Variants in SCRG1 observed in about 807,000 individuals in gnomAD.
SCRG1 encodes the protein scrapie-responsive protein 1.
In SCRG1, 3 loss-of-function variants were observed where a neutral mutation model predicts 7.7. That is an observed-to-expected ratio of 0.39 (90% CI 0.18 to 1.01). The LOEUF (loss-of-function observed/expected upper bound fraction) is 1.01, where lower values mean the gene tolerates loss of function less well. SCRG1 is among the 50% of genes least tolerant of loss of function. SCRG1 has a pLI of 0.36. For synonymous variants in SCRG1, 46 were observed against 41.2 expected (o/e 1.12, Z -0.44); for missense variants, 110 against 117.2 (o/e 0.94, Z 0.28).
chr4:173,484,823 T>C, the SCRG1 span, among the ~76,000 whole-genome samples: 19 of 86,682 alleles, frequency 2.2e-4, no homozygotes, highest in Non-Finnish European at 3.0e-4. Flanking sequence ...ACATATAATA[T>C]ATATTATATG....
the SCRG1 span, among the ~76,000 whole-genome samples, chr4:173,432,319 C>T: frequency 7.8e-6 from 1 of 128,418 alleles, no homozygotes; most frequent in East Asian, 2.3e-4. Flanking sequence ...CCCTCCTTCC[C>T]TTCCTTCCTT....
chr4:173,403,057 C>G (rs908344630), upstream of SCRG1: 1 of 152,194 alleles, frequency 6.6e-6, no homozygotes, highest in Non-Finnish European at 1.5e-5. Flanking sequence ...AAGATATCCA[C>G]TGAACCTTGG....
chr4:173,516,487 G>C, the SCRG1 span, among the ~76,000 whole-genome samples: 2 of 152,204 alleles, frequency 1.3e-5, no homozygotes, highest in South Asian at 4.1e-4. Flanking sequence ...TAGGTAATGC[G>C]TATTAAAAGG....
At chr4:173,392,329 GA>G in intron 1 of SCRG1, among the ~76,000 whole-genome samples, 1 of 152,344 alleles carries the variant, frequency 6.6e-6, no homozygotes, top group South Asian at 2.1e-4. Context: ...AGCTGCAGTT[GA>G]AAATGAAGGC....
the SCRG1 span, among the ~76,000 whole-genome samples, chr4:173,428,143 C>T: frequency 2.0e-5 from 3 of 152,002 alleles, no homozygotes; most frequent in Admixed American, 1.3e-4. Context: ...AGAATGTGTC[C>T]GGATTGACTG....
chr4:173,396,545 C>T (rs979939393), intron 1 of SCRG1, among the ~76,000 whole-genome samples: 23 of 152,162 alleles, frequency 1.5e-4, no homozygotes, highest in African/African-American at 5.6e-4. Context: ...GAAAAAATTT[C>T]CTTCAGTGAA....
chr4:173,462,784 AAAC>A, the SCRG1 span, among the ~76,000 whole-genome samples: 1 of 152,234 alleles, frequency 6.6e-6, no homozygotes, highest in Non-Finnish European at 1.5e-5. Context: ...ATATAAATAG[AAAC>A]AACAAAAAGT....
the SCRG1 span, among the ~76,000 whole-genome samples, chr4:173,517,950 G>A: frequency 6.6e-6 from 1 of 152,248 alleles, no homozygotes; most frequent in African/African-American, 2.4e-5. Context: ...TAGCTTCGGA[G>A]GTATTTTTAG....
At chr4:173,425,428 C>A in the SCRG1 span, among the ~76,000 whole-genome samples, 1 of 152,232 alleles carries the variant, frequency 6.6e-6, no homozygotes, top group Non-Finnish European at 1.5e-5. Context: ...TGGTAGCTGG[C>A]TTTCCAGTAG....
At chr4:173,454,639 T>C in the SCRG1 span, among the ~76,000 whole-genome samples, 1 of 152,210 alleles carries the variant, frequency 6.6e-6, no homozygotes. Flanking sequence ...GTCATCCACA[T>C]GTGTTTAGAG....
the SCRG1 span, among the ~76,000 whole-genome samples, chr4:173,424,309 A>T: frequency 6.6e-6 from 1 of 152,254 alleles, no homozygotes; most frequent in East Asian, 1.9e-4. Context: ...TTAAAAAAAT[A>T]GAAATTGTAT....
upstream of SCRG1, among the ~76,000 whole-genome samples, chr4:173,408,185 AT>A (rs961654483): frequency 1.3e-5 from 2 of 152,236 alleles, no homozygotes. Flanking sequence ...ATAACTTGTT[AT>A]TCCAGAGGAT....
chr4:173,460,920 T>C, the SCRG1 span, among the ~76,000 whole-genome samples: 1 of 152,152 alleles, frequency 6.6e-6, no homozygotes, highest in Non-Finnish European at 1.5e-5. Context: ...TCAACTGTGG[T>C]AGTCTGGCAG....
At chr4:173,421,479 G>A in the SCRG1 span, among the ~76,000 whole-genome samples, 1 of 151,982 alleles carries the variant, frequency 6.6e-6, no homozygotes. Flanking sequence ...TTCATTACAG[G>A]CATCCATCTC....
At chr4:173,489,769 G>A in the SCRG1 span, among the ~76,000 whole-genome samples, 1 of 152,154 alleles carries the variant, frequency 6.6e-6, no homozygotes, top group Non-Finnish European at 1.5e-5. Flanking sequence ...AGAGGTTAAT[G>A]AGGAAAATGT....
chr4:173,445,583 G>GA, the SCRG1 span, among the ~76,000 whole-genome samples: 2 of 141,420 alleles, frequency 1.4e-5, no homozygotes, highest in Non-Finnish European at 3.0e-5. Context: ...CTCCGTCTCG[G>GA]AAAAAAAAAA....
chr4:173,431,490 C>A, the SCRG1 span, among the ~76,000 whole-genome samples: 2 of 152,138 alleles, frequency 1.3e-5, no homozygotes, highest in African/African-American at 4.8e-5. Flanking sequence ...AATATAAGTA[C>A]CTGTTTATAA....
the SCRG1 span, among the ~76,000 whole-genome samples, chr4:173,444,321 G>T: frequency 6.6e-6 from 1 of 152,106 alleles, no homozygotes; most frequent in Non-Finnish European, 1.5e-5. Flanking sequence ...TAGTCATTGT[G>T]GTTGACTTGT....
At chr4:173,489,515 T>TG in the SCRG1 span, among the ~76,000 whole-genome samples, 127 of 138,232 alleles carry the variant, frequency 9.2e-4, 1 homozygote, top group Middle Eastern at 0.024. Context: ...TTCTAATTTT[T>TG]TTTTTTTGTT....
Sources: allele counts gnomAD v4.1 joint callset (sites outside exome capture counted in the v4.1 genomes callset), GRCh38; gene constraint gnomAD v4.1.1; transcripts MANE v1.5; gene names NCBI Gene and HGNC (gene_info 2026-07-23, HGNC 2026-07-21).